STX8: variants seen among roughly 807,000 people sequenced by gnomAD.
STX8 encodes syntaxin-8.
In STX8, 23 loss-of-function variants were observed where a neutral mutation model predicts 37.5. The ratio of observed to expected loss-of-function variants is 0.61; its 90% CI spans 0.44 to 0.87. STX8 has a LOEUF of 0.87. Ranked by LOEUF, STX8 falls within the 40% of genes least tolerant of loss-of-function variation. The pLI is 0.00. For synonymous variants in STX8, 115 were observed against 99.1 expected (o/e 1.16, Z -0.95); for missense variants, 313 against 284.7 (o/e 1.10, Z -0.71).
At chr17:9,570,188 G>A (rs1907628653) in intron 1 of STX8, among the ~76,000 whole-genome samples, 1 of 151,978 alleles carries the variant, frequency 6.6e-6, no homozygotes, top group South Asian at 2.1e-4. Context: ...TTTGAACACT[G>A]AGGGAACTTG....
intron 7 of STX8, among the ~76,000 whole-genome samples, chr17:9,292,794 G>A (rs143298065): frequency 1.5e-4 from 23 of 152,224 alleles, no homozygotes; most frequent in Middle Eastern, 3.4e-3. Context: ...TCTTCCCCTC[G>A]CTGAATGCTC....
intron 7 of STX8, among the ~76,000 whole-genome samples, chr17:9,347,258 T>C (rs183454606): frequency 6.6e-6 from 1 of 152,320 alleles, no homozygotes; most frequent in East Asian, 1.9e-4. Flanking sequence ...AAAACTGTTT[T>C]GAATCTTTTA....
chr17:9,449,335 C>T (rs979876547), intron 6 of STX8, among the ~76,000 whole-genome samples: 22 of 152,266 alleles, frequency 1.4e-4, no homozygotes, highest in African/African-American at 4.8e-4. Flanking sequence ...CCAAGGCGAG[C>T]GGATCACGAG....
intron 4 of STX8, among the ~76,000 whole-genome samples, chr17:9,523,522 A>G (rs959496530): frequency 6.6e-6 from 1 of 152,142 alleles, no homozygotes; most frequent in African/African-American, 2.4e-5. Flanking sequence ...ACAACTCTCC[A>G]TCTTCTTCCA....
intron 7 of STX8, among the ~76,000 whole-genome samples, chr17:9,373,600 G>A (rs1911482452): frequency 6.6e-6 from 1 of 152,158 alleles, no homozygotes; most frequent in South Asian, 2.1e-4. Flanking sequence ...GGCTGAAAGA[G>A]GGAGGAATAG....
In STX8 at chr17:9,521,289, G is replaced by A. The variant is rs556533240; in HGVS notation, c.324-16127C>T. On this transcript the variant is annotated intron_variant, in intron 4 of 7. Coordinates refer to ENST00000306357, the MANE Select transcript of STX8 (RefSeq NM_004853.3). Reference sequence around the variant, plus strand: ...GGGAAGTGACAAGAGGGAACAGAGAGAAAGGGACAATTAACATAGTGGCTC... The same window carrying A: ...GGGAAGTGACAAGAGGGAACAGAGAAAAAGGGACAATTAACATAGTGGCTC... 2.0e-5 allele frequency among the ~76,000 whole-genome samples: 3 copies of A among 152,320 alleles called. No homozygotes were observed. The South Asian group carries it at 6.2e-4, about 32-fold the overall frequency.
intron 6 of STX8, among the ~76,000 whole-genome samples, chr17:9,391,519 C>T (rs1912218003): frequency 6.6e-6 from 1 of 151,936 alleles, no homozygotes; most frequent in Non-Finnish European, 1.5e-5. Flanking sequence ...AATACACACA[C>T]ACACTCATGC....
chr17:9,534,609 G>A (rs967458189), intron 4 of STX8, among the ~76,000 whole-genome samples: 8 of 152,112 alleles, frequency 5.3e-5, no homozygotes, highest in African/African-American at 1.9e-4. Context: ...CCAACATGGT[G>A]AAACTCCGTC....
chr17:9,299,441 T>A (rs1289125466), intron 7 of STX8, among the ~76,000 whole-genome samples: 1 of 5,144 alleles, frequency 1.9e-4, no homozygotes, highest in Non-Finnish European at 3.0e-4. Flanking sequence ...TTCTTACGCT[T>A]TTTTTTTTTT....
At chr17:9,532,988 C>A (rs1242568276) in intron 4 of STX8, among the ~76,000 whole-genome samples, 4 of 152,210 alleles carry the variant, frequency 2.6e-5, no homozygotes, top group African/African-American at 9.6e-5. Context: ...ACTTCAAATA[C>A]TCCCTTTGTC....
At chr17:9,419,197 G>A (rs1033347277) in intron 6 of STX8, among the ~76,000 whole-genome samples, 3 of 152,000 alleles carry the variant, frequency 2.0e-5, no homozygotes, top group Non-Finnish European at 4.4e-5. Flanking sequence ...AAAGTCCTGG[G>A]AGTAGAGGTG....
intron 6 of STX8, among the ~76,000 whole-genome samples, chr17:9,381,915 G>C (rs920361686): frequency 1.3e-5 from 2 of 152,184 alleles, no homozygotes; most frequent in African/African-American, 4.8e-5. Context: ...GTTGCAGTGA[G>C]GTGAGATCGC....
chr17:9,418,496 C>T (rs1484246813), intron 6 of STX8, among the ~76,000 whole-genome samples: 1 of 147,572 alleles, frequency 6.8e-6, no homozygotes, highest in Non-Finnish European at 1.5e-5. Flanking sequence ...TGCCCTTTTA[C>T]CATGTTCTTT....
intron 6 of STX8, among the ~76,000 whole-genome samples, chr17:9,402,095 T>A (rs1912641297): frequency 7.7e-6 from 1 of 130,456 alleles, no homozygotes; most frequent in Non-Finnish European, 1.6e-5. Flanking sequence ...GCCCTTGTAT[T>A]TTGTTTATTT....
intron 6 of STX8, among the ~76,000 whole-genome samples, chr17:9,481,981 C>T (rs1295888861): frequency 6.6e-6 from 1 of 152,086 alleles, no homozygotes; most frequent in Non-Finnish European, 1.5e-5. Context: ...GGTTGGGGAC[C>T]GCTGTTCTAT....
intron 7 of STX8, among the ~76,000 whole-genome samples, chr17:9,284,342 G>GA (rs1907999318): frequency 6.6e-6 from 1 of 152,284 alleles, no homozygotes; most frequent in East Asian, 1.9e-4. Context: ...TCAACTACAA[G>GA]ACGGCTCACC....
chr17:9,433,549 A>G (rs978775195), intron 6 of STX8, among the ~76,000 whole-genome samples: 1 of 152,140 alleles, frequency 6.6e-6, no homozygotes, highest in Non-Finnish European at 1.5e-5. Flanking sequence ...GATTGTGATG[A>G]TGGTTTCATG....
chr17:9,377,140 G>A (rs1175894148), intron 7 of STX8, among the ~76,000 whole-genome samples: 2 of 152,084 alleles, frequency 1.3e-5, no homozygotes, highest in African/African-American at 2.4e-5. Context: ...CACAGCCAGG[G>A]AAGGTGATGC....
chr17:9,544,981 C>T (rs985915443), intron 4 of STX8, among the ~76,000 whole-genome samples, 191 bp downstream of exon 4: 4 of 151,928 alleles, frequency 2.6e-5, no homozygotes, highest in African/African-American at 7.3e-5. Flanking sequence ...GGTGACAGAG[C>T]GAGACTCTGT....
Sources: gnomAD v4.1 joint callset for allele counts (sites outside exome capture counted in the v4.1 genomes callset) on GRCh38, gnomAD v4.1.1 for gene constraint, MANE v1.5 for transcripts, NCBI Gene and HGNC (gene_info 2026-07-23, HGNC 2026-07-21) for gene names.